Variants in NCK1 observed in about 807,000 individuals in gnomAD.
NCK1 encodes the protein SH2/SH3 adapter protein NCK1.
Under a neutral mutation model 36.6 loss-of-function variants are expected in NCK1, and 19 were observed. The ratio of observed to expected loss-of-function variants is 0.52; its 90% CI spans 0.36 to 0.76. The LOEUF (loss-of-function observed/expected upper bound fraction) is 0.76. Among genes scored for constraint, NCK1 ranks in the 30% least tolerant of loss-of-function variants. The pLI is 0.00. For synonymous variants in NCK1, 165 were observed against 156.0 expected, an observed-to-expected ratio of 1.06 and a Z score of -0.43; for missense variants, 358 against 445.6, an observed-to-expected ratio of 0.80 and a Z score of 1.77.
At chr3:136,931,560 A>C (rs1252819307) in intron 2 of NCK1, among the ~76,000 whole-genome samples, 3 of 93,882 alleles carry the variant, frequency 3.2e-5, no homozygotes, top group Non-Finnish European at 7.0e-5. Flanking sequence ...AAAATTTCAG[A>C]TCTTTGCATT....
intron 1 of NCK1, among the ~76,000 whole-genome samples, chr3:136,907,119 C>A (rs1453672237): frequency 6.6e-6 from 1 of 152,166 alleles, no homozygotes; most frequent in Admixed American, 6.5e-5. Flanking sequence ...TGCAGGGTCA[C>A]ATACTTTGCT....
At chr3:136,912,994 A>G (rs901341359) in intron 1 of NCK1, among the ~76,000 whole-genome samples, 21 of 150,476 alleles carry the variant, frequency 1.4e-4, no homozygotes, top group African/African-American at 4.9e-4. Flanking sequence ...TCATTTTCCT[A>G]CTTTCTTTCT....
chr3:136,932,587 T>G (rs1940421880), intron 2 of NCK1, among the ~76,000 whole-genome samples: 1 of 152,256 alleles, frequency 6.6e-6, no homozygotes, highest in Non-Finnish European at 1.5e-5. Flanking sequence ...TGGTATTTCT[T>G]AGTTCTGTTC....
intron 1 of NCK1, among the ~76,000 whole-genome samples, chr3:136,877,221 G>A (rs1417480944): frequency 6.6e-6 from 1 of 152,102 alleles, no homozygotes; most frequent in Non-Finnish European, 1.5e-5. Flanking sequence ...GTTTTTAAGT[G>A]CCTATGAAAG....
intron 1 of NCK1, among the ~76,000 whole-genome samples, chr3:136,866,192 T>C (rs573567820): frequency 6.6e-6 from 1 of 152,232 alleles, no homozygotes; most frequent in African/African-American, 2.4e-5. Context: ...TCTTTTTTTT[T>C]AATCAGTGCC....
intron 1 of NCK1, among the ~76,000 whole-genome samples, chr3:136,898,018 G>A (rs1165372520): frequency 6.6e-6 from 1 of 152,160 alleles, no homozygotes; most frequent in Non-Finnish European, 1.5e-5. Context: ...TGAAGAAACA[G>A]CTTTCCCTTG....
intron 1 of NCK1, among the ~76,000 whole-genome samples, chr3:136,921,625 C>A (rs1201836031): frequency 1.3e-5 from 2 of 152,146 alleles, no homozygotes; most frequent in East Asian, 1.9e-4. Flanking sequence ...AAACTGGACA[C>A]TAGTTAAAAT....
chr3:136,919,136 C>G lies in NCK1; in HGVS notation c.-18-8848C>G, dbSNP rs528192059. Among the ~76,000 whole-genome samples the G allele has an allele frequency of 8.5e-5, 13 of 152,224 alleles. No homozygotes were observed. The South Asian group carries it at 2.5e-3, about 29-fold the overall frequency. ...ATAAAACATTCTGGAAAAGGCAAAA[C>G]TACATAGGGACAGAAAATAGATCAA... On this transcript the variant is annotated intron_variant, in intron 1 of 3. Coordinates refer to ENST00000481752, the MANE Select transcript of NCK1 (RefSeq NM_001291999.2).
At chr3:136,897,443 A>G (rs1939419516) in intron 1 of NCK1, among the ~76,000 whole-genome samples, 3 of 152,132 alleles carry the variant, frequency 2.0e-5, no homozygotes, top group African/African-American at 4.8e-5. Context: ...ATGATATTTC[A>G]TGTGGTTTTT....
intron 1 of NCK1, among the ~76,000 whole-genome samples, chr3:136,924,598 C>G (rs1252427995): frequency 6.6e-6 from 1 of 152,078 alleles, no homozygotes; most frequent in Non-Finnish European, 1.5e-5. Flanking sequence ...AAAGGAACAC[C>G]TTTTCAAAAT....
Position 136,927,959 on chromosome 3 carries a change from AAAAATATTTTCC to A in NCK1, c.-18-23_-18-12del. 2.0e-6 allele frequency: 3 copies of A among 1,475,770 alleles called. No homozygotes were observed. The highest frequency in any genetic ancestry group is 2.8e-6 in the Non-Finnish European group (3 of 1,061,470). 91.4% of individuals were successfully genotyped at this position (1,475,770 alleles called of 1,614,324 possible). A position where few individuals can be genotyped will look rare whatever the true frequency, so the allele number is the denominator to read the frequency against. Reference sequence around the variant, plus strand: ...AACTAATACTACCTCAACCTTACATAAAAATATTTTCCATGTGTTTACAGTGCTGAAGCTGCT... The same window carrying A: ...AACTAATACTACCTCAACCTTACATAATGTGTTTACAGTGCTGAAGCTGCT... On this transcript the variant is annotated splice_polypyrimidine_tract_variant and intron_variant, in intron 1 of 3. Transcript: ENST00000481752.
At chr3:136,890,266 G>C (rs1269583468) in intron 1 of NCK1, among the ~76,000 whole-genome samples, 3 of 152,012 alleles carry the variant, frequency 2.0e-5, no homozygotes, top group African/African-American at 7.2e-5. Context: ...CTGTCCGGCC[G>C]GCAGGGCCGG....
chr3:136,950,317 C>T lies in NCK1; in HGVS notation c.*1864C>T, dbSNP rs1354085334. ...CTTTGCATCACAGACATAAACTATT[C>T]ATAGTAAACTGCACTGAGCTGATAT... On this transcript the variant is annotated 3_prime_UTR_variant, in exon 4 of 4. Transcript: ENST00000481752. 6.6e-6 allele frequency among the ~76,000 whole-genome samples: 1 copy of T among 152,044 alleles called. No homozygotes were observed. Among genetic ancestry groups the T allele is most frequent in the Non-Finnish European group, 1.5e-5 (1 of 67,958 alleles).
At chr3:136,866,308 C>T (rs1467070293) in intron 1 of NCK1, among the ~76,000 whole-genome samples, 3 of 149,160 alleles carry the variant, frequency 2.0e-5, no homozygotes, top group African/African-American at 7.4e-5. Context: ...TTCTTTCTTT[C>T]TTTCTTTTTT....
At chr3:136,899,633 A>G (rs1033561435) in intron 1 of NCK1, 75 of 687,760 alleles carry the variant, frequency 1.1e-4, no homozygotes, top group Non-Finnish European at 6.8e-5. Flanking sequence ...TTTTCCCTTG[A>G]ATACCACCAT....
Position 136,885,479 on chromosome 3 carries a change from A to T in NCK1, c.-19+23126A>T, listed in dbSNP as rs568816384. The stretch of plus-strand genomic sequence containing the variant: ...GCCACCATGGCTGGTTAATTTTTGA[A>T]TTTTTTGTAGAGACAGGATTTTGCC... On this transcript the variant is annotated intron_variant, in intron 1 of 3. Transcript: ENST00000481752. Among the ~76,000 whole-genome samples, 3 of 152,040 alleles carry T rather than the reference A, an allele frequency of 2.0e-5. No individual in the cohort carries two copies. In the South Asian group the frequency reaches 6.2e-4, roughly 32 times the overall value.
In NCK1 at chr3:136,945,662, A is replaced by T; in HGVS notation, c.306A>T (p.Glu102Asp). 1 of 1,614,148 alleles carries T rather than the reference A, an allele frequency of 6.2e-7. No homozygotes were observed. The highest frequency in any genetic ancestry group is 8.5e-7 in the Non-Finnish European group (1 of 1,180,006). ...PADDSFVDPGERLYDLNMPAY... is the reference protein window; with the variant it reads ...PADDSFVDPGDRLYDLNMPAY... ...ATGATAGTTTTGTTGACCCAGGGGA[A>T]CGTCTCTATGACCTCAACATGCCCG... The change falls in exon 3 of 4, where the codon GAA becomes GAT. Residue 102 changes from glutamate (E) to aspartate (D), a missense_variant. By Grantham distance (45) the Glu-to-Asp change is conservative (BLOSUM62 2). Around this residue, in one of 3 missense-constraint regions of NCK1, gnomAD observed 143 missense variants for 162.4 expected, o/e 0.88. Transcript: ENST00000481752.
intron 1 of NCK1, among the ~76,000 whole-genome samples, chr3:136,870,028 GTTTTTTT>G (rs749807329): frequency 9.7e-4 from 94 of 96,826 alleles, no homozygotes; most frequent in Non-Finnish European, 1.5e-3. Flanking sequence ...TTTCTCAAAA[GTTTTTTT>G]TTTTTTTTTT....
At chr3:136,935,755 A>G (rs1940513017) in intron 2 of NCK1, among the ~76,000 whole-genome samples, 1 of 152,220 alleles carries the variant, frequency 6.6e-6, no homozygotes, top group African/African-American at 2.4e-5. Context: ...ATTTTAAAGT[A>G]TGTAATTCAG....
Sources: gnomAD v4.1 joint callset for allele counts (sites outside exome capture counted in the v4.1 genomes callset) on GRCh38, gnomAD v4.1.1 for gene constraint, gnomAD v4.1.1 regional missense constraint, MANE v1.5 for transcripts, NCBI Gene and HGNC (gene_info 2026-07-23, HGNC 2026-07-21) for gene names.